Variants in CCDC148 observed in about 807,000 individuals in gnomAD.
CCDC148 encodes the protein coiled-coil domain-containing protein 148.
A neutral mutation model predicts 85.7 loss-of-function variants in CCDC148; 89 were observed. The ratio of observed to expected loss-of-function variants is 1.04; its 90% CI spans 0.87 to 1.24. The LOEUF (loss-of-function observed/expected upper bound fraction) is 1.24. Among genes scored for constraint, CCDC148 ranks in the 50% most tolerant of loss-of-function variants. The pLI is 0.00. For synonymous variants in CCDC148, 230 were observed against 213.9 expected (o/e 1.08, Z -0.66); for missense variants, 692 against 671.7 (o/e 1.03, Z -0.33).
intron 1 of CCDC148, among the ~76,000 whole-genome samples, chr2:158,381,176 C>A (rs891727566): frequency 1.3e-5 from 2 of 152,064 alleles, no homozygotes; most frequent in African/African-American, 4.8e-5. Context: ...AAAAGGGAGC[C>A]TGAAGAGCAG....
At chr2:158,350,164 C>G (rs1428570682) in intron 2 of CCDC148, among the ~76,000 whole-genome samples, 2 of 152,154 alleles carry the variant, frequency 1.3e-5, no homozygotes, top group African/African-American at 4.8e-5. Context: ...CATCTAGCAG[C>G]TAACAGTGCT....
chr2:158,177,303 A>G (rs1684638959), intron 12 of CCDC148, among the ~76,000 whole-genome samples: 2 of 152,062 alleles, frequency 1.3e-5, no homozygotes, highest in Admixed American at 1.3e-4. Context: ...AATGAAAAGA[A>G]GTCACTAATT....
chr2:158,263,301 C>T (rs1689312154), intron 9 of CCDC148, among the ~76,000 whole-genome samples: 1 of 151,972 alleles, frequency 6.6e-6, no homozygotes. Context: ...AGGGCACCTA[C>T]CTGTTCTTTT....
chr2:158,289,371 C>A (rs998293839), intron 9 of CCDC148, among the ~76,000 whole-genome samples: 1 of 151,352 alleles, frequency 6.6e-6, no homozygotes, highest in Non-Finnish European at 1.5e-5. Flanking sequence ...AAGTACAAAT[C>A]GATAAGAAAA....
intron 9 of CCDC148, among the ~76,000 whole-genome samples, chr2:158,258,539 T>C (rs1223251862): frequency 4.0e-5 from 6 of 151,858 alleles, no homozygotes; most frequent in African/African-American, 1.4e-4. Context: ...ATAATAATGA[T>C]GCACACTTGA....
intron 7 of CCDC148, among the ~76,000 whole-genome samples, chr2:158,328,780 T>A (rs1349745565): frequency 6.6e-6 from 1 of 152,260 alleles, no homozygotes; most frequent in African/African-American, 2.4e-5. Flanking sequence ...ATGAGCATTT[T>A]TTCATGTGTC....
intron 1 of CCDC148, among the ~76,000 whole-genome samples, chr2:158,435,577 C>G (rs1013702204): frequency 6.6e-6 from 1 of 152,086 alleles, no homozygotes; most frequent in African/African-American, 2.4e-5. Flanking sequence ...AACTAACAAG[C>G]AAAATAACCA....
At chr2:158,261,405 C>T (rs562906905) in intron 9 of CCDC148, among the ~76,000 whole-genome samples, 6 of 152,162 alleles carry the variant, frequency 3.9e-5, no homozygotes, top group African/African-American at 1.4e-4. Flanking sequence ...AAACCCTAAA[C>T]CATAAAATCC....
At chr2:158,316,779 C>T (rs572809449) in intron 7 of CCDC148, among the ~76,000 whole-genome samples, 35 of 152,250 alleles carry the variant, frequency 2.3e-4, no homozygotes, top group African/African-American at 8.2e-4. Flanking sequence ...TACATACATA[C>T]CCTACGTATA....
intron 1 of CCDC148, among the ~76,000 whole-genome samples, chr2:158,368,234 G>C (rs1376962836): frequency 6.6e-6 from 1 of 151,726 alleles, no homozygotes; most frequent in East Asian, 1.9e-4. Flanking sequence ...GCCCCACCAG[G>C]GTTTCAAAAA....
chr2:158,172,898 T>C (rs1044405766), intron 13 of CCDC148, among the ~76,000 whole-genome samples: 1 of 152,048 alleles, frequency 6.6e-6, no homozygotes, highest in Non-Finnish European at 1.5e-5. Flanking sequence ...CAGAGACTGT[T>C]TGAAATGATA....
chr2:158,205,205 C>T (rs1229097213), intron 11 of CCDC148, among the ~76,000 whole-genome samples: 1 of 152,092 alleles, frequency 6.6e-6, no homozygotes, highest in Non-Finnish European at 1.5e-5. Context: ...TATCAATATT[C>T]AAAAGGTAAA....
chr2:158,348,250 T>C (rs1489691222), intron 2 of CCDC148, among the ~76,000 whole-genome samples: 2 of 152,054 alleles, frequency 1.3e-5, no homozygotes, highest in Non-Finnish European at 2.9e-5. Context: ...CTTGACAAAA[T>C]TAATTGAACT....
At chr2:158,321,714 TA>T (rs1692526819) in intron 7 of CCDC148, among the ~76,000 whole-genome samples, 1 of 152,248 alleles carries the variant, frequency 6.6e-6, no homozygotes, top group South Asian at 2.1e-4. Context: ...CACATATTTT[TA>T]AAGACAATTA....
chr2:158,239,567 T>TAG (rs1553486669), intron 10 of CCDC148, among the ~76,000 whole-genome samples: 1 of 151,630 alleles, frequency 6.6e-6, no homozygotes, highest in Non-Finnish European at 1.5e-5. Context: ...AGAAGGTTAA[T>TAG]TTAATTTAAA....
chr2:158,323,182 G>C (rs143684488), intron 7 of CCDC148, among the ~76,000 whole-genome samples: 27 of 152,296 alleles, frequency 1.8e-4, no homozygotes, highest in Middle Eastern at 3.4e-3. Context: ...TTCAGTAAAA[G>C]AGATCATCCT....
chr2:158,381,738 A>T (rs961554198), intron 1 of CCDC148, among the ~76,000 whole-genome samples: 1 of 152,126 alleles, frequency 6.6e-6, no homozygotes, highest in African/African-American at 2.4e-5. Flanking sequence ...AAAAAATGAA[A>T]AACTAGCCGA....
chr2:158,212,490 T>A (rs1027875365), intron 11 of CCDC148, among the ~76,000 whole-genome samples: 35 of 152,124 alleles, frequency 2.3e-4, no homozygotes, highest in African/African-American at 8.4e-4. Context: ...GCAATAACTG[T>A]CAATTCTCTG....
chr2:158,421,967 G>A (rs189055662), intron 1 of CCDC148, among the ~76,000 whole-genome samples: 22,624 of 152,076 alleles, frequency 0.15, 2,160 homozygotes, highest in Non-Finnish European at 0.21. Context: ...ACACCTCTAT[G>A]CAAATAAACT....
Sources: gnomAD v4.1 joint callset for allele counts (sites outside exome capture counted in the v4.1 genomes callset) on GRCh38, gnomAD v4.1.1 for gene constraint, MANE v1.5 for transcripts, NCBI Gene and HGNC (gene_info 2026-07-23, HGNC 2026-07-21) for gene names.